Variants in FAM193A observed in about 807,000 individuals in gnomAD.
FAM193A encodes the protein family with sequence similarity 193 member A, also known as protein FAM193A.
In FAM193A, 22 loss-of-function variants were observed where a neutral mutation model predicts 126.5. The ratio of observed to expected loss-of-function variants is 0.17; its 90% confidence interval spans 0.12 to 0.25. The LOEUF (loss-of-function observed/expected upper bound fraction) is 0.25. Among genes scored for constraint, FAM193A ranks in the 10% least tolerant of loss-of-function variants. The probability of loss-of-function intolerance (pLI) is 1.00; values close to 1 mark genes in which losing one functional copy is unlikely to be tolerated. For synonymous variants in FAM193A, 761 were observed against 646.8 expected, an observed-to-expected ratio of 1.18 and a Z score of -2.68; for missense variants, 1,675 against 1,672.8, an observed-to-expected ratio of 1.00 and a Z score of -0.02.
Position 2,660,017 on chromosome 4 carries a change from A to G in FAM193A, c.1708A>G (p.Arg570Gly). The G allele has an allele frequency of 6.2e-7, 1 of 1,614,152 alleles. No individual in the cohort carries two copies. The highest frequency in any genetic ancestry group is 1.1e-5 in the South Asian group (1 of 91,082). The change falls in exon 10 of 21, where the codon AGG becomes GGG. Residue 570 changes from arginine (R) to glycine (G), a missense_variant. By Grantham distance (125) the Arg-to-Gly change is moderately radical. This residue lies in a region of FAM193A where 1,186 missense variants were observed against 1,109.2 expected (regional missense o/e 1.07). Transcript: ENST00000637812. ...SSPITIQQHP[R>G]LILTDSGSAP... ...TCCCATCACAATTCAGCAGCACCCC[A>G]GGCTCATCCTCACAGACAGTGGCTC...
intron 13 of FAM193A, among the ~76,000 whole-genome samples, chr4:2,681,715 C>G (rs1715149010): frequency 6.6e-6 from 1 of 152,182 alleles, no homozygotes; most frequent in Admixed American, 6.5e-5. Context: ...CCTCCTGCCT[C>G]AGCCTCCCAA....
At position 2,731,896 on chromosome 4, in the gene FAM193A, G is replaced by A. The variant is rs779266405; in HGVS notation, c.*28G>A. On this transcript the variant is annotated 3_prime_UTR_variant, in exon 21 of 21. Coordinates refer to ENST00000637812, the MANE Select transcript of FAM193A (RefSeq NM_001366318.2). Reference sequence around the variant, plus strand: ...GAGGACTCCCTGGAGAGGGACACGCGAGAGGCAGGCCAGGCTGCACCACCC... The same window carrying A: ...GAGGACTCCCTGGAGAGGGACACGCAAGAGGCAGGCCAGGCTGCACCACCC... 3.2e-6 allele frequency: 5 copies of A among 1,548,534 alleles called. No individual in the cohort carries two copies. The highest frequency in any genetic ancestry group is 2.2e-5 in the East Asian group (1 of 44,518).
chr4:2,689,456 G>A, intron 13 of FAM193A, 50 bp from the exon 14 acceptor site: 1 of 1,370,302 alleles, frequency 7.3e-7, no homozygotes, highest in East Asian at 2.4e-5. Flanking sequence ...ACTTACCTAG[G>A]TAAACAGAAT....
In FAM193A at chr4:2,700,429, C is replaced by G; in HGVS notation, c.4257C>G (p.Thr1419=). The stretch of plus-strand genomic sequence containing the variant: ...CAAACCCAACCCCTATGGAGCCCAC[C>G]TCTCCCGGTGAGCATCAGCAGAACA... ...EKSNPTPMEP[T]SPGEHQQNSK... The change falls in exon 19 of 21, where the codon ACC becomes ACG. Residue 1419 remains threonine (T), a synonymous_variant. Coordinates refer to ENST00000637812, the MANE Select transcript of FAM193A (RefSeq NM_001366318.2). 6.2e-7 allele frequency: 1 copy of G among 1,614,198 alleles called. No individual in the cohort carries two copies.
intron 1 of FAM193A, among the ~76,000 whole-genome samples, chr4:2,588,521 T>C (rs1273820030): frequency 6.6e-6 from 1 of 152,018 alleles, no homozygotes; most frequent in Non-Finnish European, 1.5e-5. Flanking sequence ...CAGGTGATGG[T>C]GATGGATGAG....
chr4:2,704,644 C>T (rs1577240672), intron 19 of FAM193A, among the ~76,000 whole-genome samples: 1 of 152,272 alleles, frequency 6.6e-6, no homozygotes, highest in Middle Eastern at 3.4e-3. Context: ...GTTCTCCAAA[C>T]CCTCCAGTCA....
intron 19 of FAM193A, chr4:2,715,538 T>A (rs1399686191): frequency 1.0e-6 from 1 of 992,878 alleles, no homozygotes; most frequent in African/African-American, 1.7e-5. Context: ...AGGGTTGATG[T>A]CTGGGTCCTC....
chr4:2,630,397 T>C (rs1414034550), intron 4 of FAM193A, among the ~76,000 whole-genome samples: 1 of 152,050 alleles, frequency 6.6e-6, no homozygotes. Flanking sequence ...CCCATTTGGA[T>C]TGTACACTGA....
chr4:2,556,851 C>A (rs995321765), intron 1 of FAM193A, among the ~76,000 whole-genome samples: 2 of 152,090 alleles, frequency 1.3e-5, no homozygotes, highest in African/African-American at 4.8e-5. Context: ...ATTTTGAGCA[C>A]CATGTTAGAT....
intron 1 of FAM193A, among the ~76,000 whole-genome samples, chr4:2,588,911 G>A (rs948340349): frequency 1.3e-5 from 2 of 152,102 alleles, no homozygotes; most frequent in African/African-American, 4.8e-5. Flanking sequence ...GGCAAAGAAC[G>A]GTATGTTAGA....
chr4:2,711,914 G>A (rs1039168277), intron 19 of FAM193A, among the ~76,000 whole-genome samples: 3 of 151,994 alleles, frequency 2.0e-5, no homozygotes, highest in Non-Finnish European at 2.9e-5. Flanking sequence ...GAGACAGAGC[G>A]AGACTCCATC....
At chr4:2,646,658 T>G in intron 6 of FAM193A, 27 bp from the exon 7 acceptor site, 1 of 1,570,274 alleles carries the variant, frequency 6.4e-7, no homozygotes, top group South Asian at 1.2e-5. Flanking sequence ...GGTTCTTTCC[T>G]TTGTTACAAG....
chr4:2,639,530 C>T (rs1229549507), intron 5 of FAM193A, among the ~76,000 whole-genome samples: 1 of 151,630 alleles, frequency 6.6e-6, no homozygotes, highest in Non-Finnish European at 1.5e-5. Context: ...AAATCCATGT[C>T]CGTGTAGTCA....
intron 5 of FAM193A, among the ~76,000 whole-genome samples, chr4:2,635,049 G>A (rs1204284738): frequency 6.6e-6 from 1 of 152,116 alleles, no homozygotes. Context: ...ATTCCAATAA[G>A]TGTCTCTAAA....
intron 19 of FAM193A, among the ~76,000 whole-genome samples, chr4:2,706,552 T>C (rs1251406157): frequency 2.6e-5 from 4 of 152,108 alleles, no homozygotes; most frequent in African/African-American, 9.6e-5. Flanking sequence ...CACCTTGGCC[T>C]CCCAAAGTCC....
At chr4:2,568,973 C>CTTTTTTTTTTTTTTTTTTTTTTGT (rs753557878) in intron 1 of FAM193A, among the ~76,000 whole-genome samples, 3 of 90,720 alleles carry the variant, frequency 3.3e-5, no homozygotes, top group Admixed American at 1.5e-4. Flanking sequence ...TGTTGTTTTG[C>CTTTTTTTTTTTTTTTTTTTTTTGT]TTTTTTTTTT....
chr4:2,620,409 A>G (rs1742469098), intron 2 of FAM193A, among the ~76,000 whole-genome samples: 1 of 152,204 alleles, frequency 6.6e-6, no homozygotes, highest in Admixed American at 6.5e-5. Context: ...CACATAAAAA[A>G]ACAAGAACAC....
intron 13 of FAM193A, among the ~76,000 whole-genome samples, chr4:2,677,697 C>T (rs933420621): frequency 3.4e-5 from 5 of 148,552 alleles, no homozygotes; most frequent in East Asian, 2.0e-4. Flanking sequence ...GCCAAGATCG[C>T]GCCATTGCAC....
At chr4:2,695,788 G>C (rs189950684) in intron 17 of FAM193A, among the ~76,000 whole-genome samples, 22 of 152,240 alleles carry the variant, frequency 1.4e-4, no homozygotes, top group African/African-American at 5.3e-4. Flanking sequence ...ACAGGTAGAG[G>C]CCAAGCATAG....
Sources: allele counts gnomAD v4.1 joint callset (sites outside exome capture counted in the v4.1 genomes callset), GRCh38; gene constraint gnomAD v4.1.1; regional missense constraint gnomAD v4.1.1; transcripts MANE v1.5; gene names NCBI Gene and HGNC (gene_info 2026-07-23, HGNC 2026-07-21).